Variants in CRHR2 observed in about 807,000 individuals in gnomAD.
CRHR2 encodes the protein corticotropin-releasing hormone receptor 2.
Under a neutral mutation model 57.9 loss-of-function variants are expected in CRHR2, and 53 were observed. That is an observed-to-expected ratio of 0.92 (90% CI 0.73 to 1.15). The LOEUF is 1.15. Among genes scored for constraint, CRHR2 ranks in the 50% most tolerant of loss-of-function variants. The pLI is 0.00. For missense variants in CRHR2, 532 were observed against 542.6 expected, an observed-to-expected ratio of 0.98 and a Z score of 0.19; for synonymous variants, 213 against 220.9, an observed-to-expected ratio of 0.96 and a Z score of 0.32.
upstream of CRHR2, among the ~76,000 whole-genome samples, chr7:30,683,760 T>C (rs1040513542): frequency 6.6e-6 from 1 of 152,204 alleles, no homozygotes; most frequent in Non-Finnish European, 1.5e-5. Flanking sequence ...TTGTGTGTTG[T>C]TTGTTTCTAT....
At chr7:30,680,372 G>A (rs141085592) in intron 2 of CRHR2, among the ~76,000 whole-genome samples, 372 of 152,292 alleles carry the variant, frequency 2.4e-3, no homozygotes, top group African/African-American at 8.6e-3. Flanking sequence ...CAGGCTGGTC[G>A]GGGAGAACAA....
chr7:30,671,068 T>C (rs1156902044), intron 2 of CRHR2, among the ~76,000 whole-genome samples: 2 of 152,222 alleles, frequency 1.3e-5, no homozygotes, highest in African/African-American at 2.4e-5. Flanking sequence ...GGCTGGGACA[T>C]GAGACCCTAT....
In CRHR2 at chr7:30,665,128, C is replaced by A; in HGVS notation, c.485G>T (p.Arg162Leu). The A allele has an allele frequency of 6.2e-7, 1 of 1,614,048 alleles. No individual in the cohort carries two copies. Among genetic ancestry groups the A allele is most frequent in the Non-Finnish European group, 8.5e-7 (1 of 1,180,014 alleles). The change falls in exon 5 of 12, where the codon CGA (arginine) becomes CTA (leucine). Residue 162 changes from arginine to leucine, a missense_variant. Physicochemically the swap from Arg to Leu is moderately radical, Grantham distance 102. Coordinates refer to ENST00000471646, the MANE Select transcript of CRHR2 (RefSeq NM_001883.5). This position sits in a 1 kb window ranked among gnomAD's most constrained non-coding sequence, Gnocchi z 4.5. Reference sequence around the variant, plus strand: ...CTGCAGCAGGAACCACATGACATTTCGCAGGATAAAGGTGGTGATGAGGTT... The same window carrying A: ...CTGCAGCAGGAACCACATGACATTTAGCAGGATAAAGGTGGTGATGAGGTT... ...HWNLITTFIL[R>L]NVMWFLLQLV...
In CRHR2 at chr7:30,654,833, C is replaced by A. The variant is rs1431722106; in HGVS notation, c.1095+206G>T. The A allele has an allele frequency of 3.9e-6, 6 of 1,542,354 alleles. No homozygotes were observed. The African/African-American group carries it at 6.8e-5, about 18-fold the overall frequency. ...TCTGAGTGCACATGTGGGGTGCTGG[C>A]ATGTTATTTCGGGGCTGCATAGTTG... On this transcript the variant is annotated intron_variant, in intron 11 of 11. Coordinates refer to ENST00000471646, the MANE Select transcript of CRHR2 (RefSeq NM_001883.5).
At chr7:30,655,481 G>T in intron 10 of CRHR2, 99 bp downstream of exon 10, 1 of 1,406,108 alleles carries the variant, frequency 7.1e-7, no homozygotes. Flanking sequence ...CTGAGCCATG[G>T]GTGTGCCAGT....
chr7:30,669,398 G>A (rs1784289065), intron 2 of CRHR2, among the ~76,000 whole-genome samples: 1 of 152,154 alleles, frequency 6.6e-6, no homozygotes, highest in South Asian at 2.1e-4. Flanking sequence ...GGGGCTCCCT[G>A]AGGACAGGGC....
chr7:30,698,299 C>T (rs541472663), intron 1 of CRHR2: 3 of 152,428 alleles, frequency 2.0e-5, no homozygotes, highest in African/African-American at 7.2e-5. Flanking sequence ...GGGATGACCT[C>T]AAGGGACGCT....
chr7:30,661,981 G>C (rs1784016276), intron 7 of CRHR2, among the ~76,000 whole-genome samples, 175 bp downstream of exon 7: 1 of 152,200 alleles, frequency 6.6e-6, no homozygotes, highest in Non-Finnish European at 1.5e-5. Flanking sequence ...GCCCTACCAT[G>C]TGAGTACCTC....
chr7:30,694,097 A>G (rs897355254), intron 1 of CRHR2, among the ~76,000 whole-genome samples: 2 of 152,188 alleles, frequency 1.3e-5, no homozygotes, highest in African/African-American at 2.4e-5. Flanking sequence ...TGCTCAATAA[A>G]TGTTTGTCAA....
Position 30,665,193 on chromosome 7 carries a change from G to A in CRHR2, c.426-6C>T. 3.7e-6 allele frequency: 6 copies of A among 1,613,010 alleles called. No homozygotes were observed. In the Middle Eastern group the frequency reaches 5.0e-4, roughly 133 times the overall value. On this transcript the variant is annotated splice_region_variant and splice_polypyrimidine_tract_variant and intron_variant, in intron 4 of 11. Transcript: ENST00000471646. The surrounding 1 kb of genome is among the most constrained non-coding windows in gnomAD (Gnocchi z 4.5). ...TCCGCAGACAGCGAATGCTCCTGTGGGAGGTGCAGGTCAGGGGTCAGCCAG... is the reference window on the plus strand; with the variant it reads ...TCCGCAGACAGCGAATGCTCCTGTGAGAGGTGCAGGTCAGGGGTCAGCCAG...
rs1295341296 is a variant in CRHR2, at chr7:30,667,248, C to T, written c.295G>A (p.Glu99Lys). 15 of 1,614,158 alleles carry T rather than the reference C, an allele frequency of 9.3e-6. No individual in the cohort carries two copies. In the East Asian group the frequency reaches 2.9e-4, roughly 31 times the overall value. Residue 99 changes from glutamate (E) to lysine (K), a missense_variant, in exon 3 of 12, where the codon GAG becomes AAG. Coordinates refer to ENST00000471646, the MANE Select transcript of CRHR2 (RefSeq NM_001883.5). Reference protein sequence around the residue: ...WASKINYSQCEPILDDKQRKY... With the variant: ...WASKINYSQCKPILDDKQRKY... ...CTCACCTTGTCATCCAAAATGGGCT[C>T]ACACTGTGAGTAGTTGATCTTTGAG... is the stretch of plus-strand genomic sequence containing the variant.
intron 2 of CRHR2, among the ~76,000 whole-genome samples, chr7:30,676,471 G>A (rs2267715): frequency 0.48 from 73,285 of 151,900 alleles, 20,419 homozygotes; most frequent in Non-Finnish European, 0.63. Flanking sequence ...GGTCTATCTG[G>A]GGTCCTCCTG....
At position 30,662,744 on chromosome 7, in the gene CRHR2, G is replaced by T; in HGVS notation, c.647C>A (p.Thr216Asn). 1.2e-6 allele frequency: 2 copies of T among 1,614,216 alleles called. No homozygotes were observed. The highest frequency in any genetic ancestry group is 1.6e-4 in the Middle Eastern group (1 of 6,062). Residue 216 changes from threonine to asparagine, a missense_variant, in exon 6 of 12, where the codon ACC becomes AAC. Thr to Asn is a moderately conservative substitution (Grantham distance 65). Coordinates refer to ENST00000471646, the MANE Select transcript of CRHR2 (RefSeq NM_001883.5). ...GCYLHTAIVMTYSTERLRKCL... is the reference protein window; with the variant it reads ...GCYLHTAIVMNYSTERLRKCL... ...CTTGCGCAGGCGCTCAGTGGAGTAG[G>T]TCATGACAATGGCCGTGTGCAGGTA...
chr7:30,681,573 A>G (rs1386409239), intron 2 of CRHR2, among the ~76,000 whole-genome samples: 1 of 152,196 alleles, frequency 6.6e-6, no homozygotes, highest in Non-Finnish European at 1.5e-5. Context: ...TGTCTAAACA[A>G]TGAAGCCCTA....
chr7:30,662,867 G>A lies in CRHR2; in HGVS notation c.544-20C>T. Reference sequence around the variant, plus strand: ...CCAGACCTGTGTGCAGGGCAGAGAGGCTGTCAGGAGGCAGCTTGGGGCCCA... The same window carrying A: ...CCAGACCTGTGTGCAGGGCAGAGAGACTGTCAGGAGGCAGCTTGGGGCCCA... On this transcript the variant is annotated intron_variant, in intron 5 of 11. Transcript: ENST00000471646. 1 of 1,611,910 alleles carries A rather than the reference G, an allele frequency of 6.2e-7. No homozygotes were observed. The highest frequency in any genetic ancestry group is 1.7e-5 in the Admixed American group (1 of 59,908).
At chr7:30,654,672 C>A in intron 11 of CRHR2, 1 of 1,535,432 alleles carries the variant, frequency 6.5e-7, no homozygotes, top group Non-Finnish European at 8.7e-7. Context: ...GCTGGTCTCT[C>A]TTCTGCTCCC....
At chr7:30,681,773 T>C (rs1427513910) in intron 2 of CRHR2, 142 bp downstream of exon 2, 1 of 1,279,644 alleles carries the variant, frequency 7.8e-7, no homozygotes. Flanking sequence ...CCCAACACTG[T>C]AAGGGGTCCT....
intron 8 of CRHR2, among the ~76,000 whole-genome samples, chr7:30,658,002 A>G (rs1473482965): frequency 6.6e-6 from 1 of 152,148 alleles, no homozygotes; most frequent in Non-Finnish European, 1.5e-5. Flanking sequence ...TCATCTACCT[A>G]GCAACCAAGG....
In CRHR2 at chr7:30,653,643, C is replaced by A; in HGVS notation, c.1096-43G>T. ...GCTCAGCTGGCTCCCAGGGACCAAC[C>A]CTGGGCTTCTGGGACCATCCCCTCC... On this transcript the variant is annotated intron_variant, in intron 11 of 11. Coordinates refer to ENST00000471646, the MANE Select transcript of CRHR2 (RefSeq NM_001883.5). This position sits in a 1 kb window ranked among gnomAD's most constrained non-coding sequence, Gnocchi z 5.0. 6.4e-7 allele frequency: 1 copy of A among 1,565,512 alleles called. No homozygotes were observed.
Sources: gnomAD v4.1 joint callset for allele counts (sites outside exome capture counted in the v4.1 genomes callset) on GRCh38, gnomAD v4.1.1 for gene constraint, Gnocchi (gnomAD v3.1) non-coding constraint, MANE v1.5 for transcripts, NCBI Gene and HGNC (gene_info 2026-07-23, HGNC 2026-07-21) for gene names.